RLF: variants seen among roughly 807,000 people sequenced by gnomAD.
RLF encodes RLF zinc finger.
Under a neutral mutation model 162.9 loss-of-function variants are expected in RLF, and 7 were observed. The ratio of observed to expected loss-of-function variants is 0.04; its 90% CI spans 0.02 to 0.08. The LOEUF (loss-of-function observed/expected upper bound fraction) is 0.08. RLF is among the 10% of genes least tolerant of loss of function. RLF has a pLI of 1.00. For missense variants in RLF, 1,664 were observed against 2,244.7 expected (o/e 0.74, Z 5.23); for synonymous variants, 782 against 791.5 (o/e 0.99, Z 0.20).
chr1:40,215,721 A>C (rs1017791031), intron 5 of RLF, among the ~76,000 whole-genome samples: 26 of 152,078 alleles, frequency 1.7e-4, no homozygotes, highest in Non-Finnish European at 3.5e-4. Flanking sequence ...TGTTGAGACT[A>C]CAGGCATGAG....
At chr1:40,162,447 C>T (rs12074893) in intron 1 of RLF, among the ~76,000 whole-genome samples, 62,684 of 151,952 alleles carry the variant, frequency 0.41, 14,606 homozygotes, top group African/African-American at 0.64. Context: ...TTTACAAATA[C>T]AAATATTGGC....
At chr1:40,172,204 G>A (rs936779867) in intron 1 of RLF, among the ~76,000 whole-genome samples, 2 of 152,098 alleles carry the variant, frequency 1.3e-5, no homozygotes, top group African/African-American at 4.8e-5. Flanking sequence ...ACAGTACAGA[G>A]GGTTTAAGGA....
chr1:40,164,670 A>G (rs1416781149), intron 1 of RLF, among the ~76,000 whole-genome samples: 1 of 152,114 alleles, frequency 6.6e-6, no homozygotes, highest in Non-Finnish European at 1.5e-5. Context: ...TATTTTGGGG[A>G]CCAGGATTCC....
chr1:40,205,294 C>T (rs896382552), intron 5 of RLF, among the ~76,000 whole-genome samples: 8 of 152,038 alleles, frequency 5.3e-5, no homozygotes, highest in Admixed American at 6.6e-5. Flanking sequence ...TGAGATCACG[C>T]CACTGCACTC....
chr1:40,227,334 T>C (rs1013704503), intron 6 of RLF, among the ~76,000 whole-genome samples: 4 of 152,212 alleles, frequency 2.6e-5, no homozygotes, highest in African/African-American at 9.6e-5. Context: ...TGATTTTCAA[T>C]GGTTGGCTTT....
chr1:40,197,959 T>C (rs902343909), intron 4 of RLF, among the ~76,000 whole-genome samples: 1 of 152,230 alleles, frequency 6.6e-6, no homozygotes, highest in African/African-American at 2.4e-5. Flanking sequence ...TTACCTGATA[T>C]TCACCTGACA....
intron 1 of RLF, among the ~76,000 whole-genome samples, chr1:40,186,588 T>C (rs550627222): frequency 2.0e-5 from 3 of 152,322 alleles, no homozygotes; most frequent in South Asian, 4.1e-4. Flanking sequence ...ACCCCATCTG[T>C]ATGCACTCTG....
intron 6 of RLF, among the ~76,000 whole-genome samples, chr1:40,224,424 A>C (rs950397496): frequency 6.7e-6 from 1 of 148,762 alleles, no homozygotes; most frequent in African/African-American, 2.5e-5. Flanking sequence ...TTACAGGTGC[A>C]CACTGCCACG....
intron 4 of RLF, among the ~76,000 whole-genome samples, chr1:40,200,427 T>C (rs1323054403): frequency 7.2e-5 from 11 of 152,184 alleles, no homozygotes; most frequent in African/African-American, 2.7e-4. Context: ...GCATTATTGA[T>C]GATTGACAGA....
At chr1:40,221,917 A>AAAAAAAAAAAAAAAAAG (rs1486982312) in intron 5 of RLF, among the ~76,000 whole-genome samples, 4 of 150,378 alleles carry the variant, frequency 2.7e-5, no homozygotes, top group South Asian at 4.2e-4. Flanking sequence ...AAAAAAAAAA[A>AAAAAAAAAAAAAAAAAG]AGAGAAAGGA....
Position 40,200,117 on chromosome 1 carries a change from T to A in RLF, c.608-2295T>A, listed in dbSNP as rs1488079219. ...TTTTGACCTTGACTACATATTAGAG[T>A]ATCTATGGAATTTAAAACCAAAAAA... On this transcript the variant is annotated intron_variant, in intron 4 of 7. Transcript: ENST00000372771. Among the ~76,000 whole-genome samples, 3 of 152,072 alleles carry A rather than the reference T, an allele frequency of 2.0e-5. No individual in the cohort carries two copies. In the East Asian group the frequency reaches 5.8e-4, roughly 29 times the overall value.
chr1:40,192,195 T>C (rs1195598017), intron 3 of RLF, among the ~76,000 whole-genome samples: 3 of 152,208 alleles, frequency 2.0e-5, no homozygotes, highest in Admixed American at 2.0e-4. Flanking sequence ...AAAATCATCT[T>C]TCATGCGTAG....
intron 2 of RLF, among the ~76,000 whole-genome samples, chr1:40,189,421 TC>T (rs1314350056): frequency 1.3e-5 from 2 of 151,936 alleles, no homozygotes; most frequent in African/African-American, 4.8e-5. Flanking sequence ...GCCTCTAGAG[TC>T]TCTTTTCCTA....
intron 6 of RLF, among the ~76,000 whole-genome samples, chr1:40,228,842 G>T (rs1158846285): frequency 5.9e-5 from 9 of 152,134 alleles, no homozygotes; most frequent in Admixed American, 5.2e-4. Context: ...ACCCAGGCTG[G>T]AGTATACTGG....
At chr1:40,184,727 C>T (rs1016079317) in intron 1 of RLF, among the ~76,000 whole-genome samples, 2 of 152,116 alleles carry the variant, frequency 1.3e-5, no homozygotes, top group Non-Finnish European at 2.9e-5. Flanking sequence ...ATATATCTGA[C>T]CCCTTAGTAT....
At chr1:40,216,236 G>A (rs528555911) in intron 5 of RLF, among the ~76,000 whole-genome samples, 3 of 152,152 alleles carry the variant, frequency 2.0e-5, no homozygotes, top group South Asian at 2.1e-4. Context: ...TAATCCTAGC[G>A]CTTTGGGAGG....
intron 4 of RLF, among the ~76,000 whole-genome samples, chr1:40,199,806 C>T (rs185349509): frequency 7.7e-4 from 117 of 151,622 alleles, no homozygotes; most frequent in Non-Finnish European, 1.4e-3. Flanking sequence ...ATAGGGGAGA[C>T]GTGACAGGAA....
chr1:40,177,264 C>G (rs1642339853), intron 1 of RLF, among the ~76,000 whole-genome samples: 1 of 152,030 alleles, frequency 6.6e-6, no homozygotes, highest in Non-Finnish European at 1.5e-5. Context: ...GCCACCACAA[C>G]CGGCCTTAAC....
chr1:40,177,493 T>C lies in RLF; in HGVS notation c.238-11562T>C, dbSNP rs375106369. On this transcript the variant is annotated intron_variant, in intron 1 of 7. Coordinates refer to ENST00000372771, the MANE Select transcript of RLF (RefSeq NM_012421.4). ...TATTTTTAGTAGAGACGGGGTTTCATGGTGTTAGCCAGGATGGGGTCTATC... is the reference window on the plus strand; with the variant it reads ...TATTTTTAGTAGAGACGGGGTTTCACGGTGTTAGCCAGGATGGGGTCTATC... Among the ~76,000 whole-genome samples, 13 of 151,854 alleles carry C rather than the reference T, an allele frequency of 8.6e-5. 1 individual carries two copies. Among genetic ancestry groups the C allele is most frequent in the East Asian group, 3.9e-4 (2 of 5,152 alleles).
Sources: allele counts gnomAD v4.1 joint callset (sites outside exome capture counted in the v4.1 genomes callset), GRCh38; gene constraint gnomAD v4.1.1; transcripts MANE v1.5; gene names NCBI Gene and HGNC (gene_info 2026-07-23, HGNC 2026-07-21).